Variants in GLIS3 observed in about 807,000 individuals in gnomAD.
GLIS3 encodes the protein GLIS family zinc finger 3.
A neutral mutation model predicts 78.6 loss-of-function variants in GLIS3; 53 were observed. The observed-to-expected ratio is 0.67, with a 90% CI of 0.54 to 0.85. The LOEUF is 0.85. Among genes scored for constraint, GLIS3 ranks in the 40% least tolerant of loss-of-function variants. The probability of loss-of-function intolerance (pLI) is 0.00; values close to 1 mark genes in which losing one functional copy is unlikely to be tolerated. For synonymous variants in GLIS3, 684 were observed against 509.9 expected, an observed-to-expected ratio of 1.34 and a Z score of -4.60; for missense variants, 1,703 against 1,231.1, an observed-to-expected ratio of 1.38 and a Z score of -5.74.
At chr9:3,999,231 C>T (rs1294961109) in intron 4 of GLIS3, among the ~76,000 whole-genome samples, 1 of 152,136 alleles carries the variant, frequency 6.6e-6, no homozygotes, top group Non-Finnish European at 1.5e-5. Flanking sequence ...AAGACTACTA[C>T]AACAAATAAC....
chr9:3,829,876 T>A (rs1454785599), intron 9 of GLIS3, among the ~76,000 whole-genome samples: 2 of 152,236 alleles, frequency 1.3e-5, no homozygotes, highest in Non-Finnish European at 2.9e-5. Context: ...ATCCTATATT[T>A]TCTTCTGTTT....
At chr9:3,986,199 T>A (rs1819728946) in intron 4 of GLIS3, among the ~76,000 whole-genome samples, 1 of 152,228 alleles carries the variant, frequency 6.6e-6, no homozygotes, top group South Asian at 2.1e-4. Context: ...TCCAACAAGA[T>A]ACCCTCTGTC....
At chr9:4,482,484 T>C in the GLIS3 span, among the ~76,000 whole-genome samples, 4 of 152,308 alleles carry the variant, frequency 2.6e-5, no homozygotes, top group Non-Finnish European at 5.9e-5. Flanking sequence ...TCCCCACCCA[T>C]GGGTCACGAA....
the GLIS3 span, among the ~76,000 whole-genome samples, chr9:4,467,002 C>A: frequency 0.37 from 56,346 of 152,120 alleles, 10,915 homozygotes; most frequent in Middle Eastern, 0.5. Flanking sequence ...CCTGGCTCGG[C>A]GGGTCCCATG....
At chr9:4,452,234 C>T in the GLIS3 span, among the ~76,000 whole-genome samples, 1 of 152,108 alleles carries the variant, frequency 6.6e-6, no homozygotes, top group Non-Finnish European at 1.5e-5. Flanking sequence ...TGGGCAAAAA[C>T]TGGAAGCATT....
chr9:3,841,232 T>C (rs1391045930), intron 9 of GLIS3, among the ~76,000 whole-genome samples: 1 of 152,242 alleles, frequency 6.6e-6, no homozygotes, highest in Admixed American at 6.5e-5. Flanking sequence ...AATTGCAGTG[T>C]GTCTCAGTAA....
chr9:4,001,756 TA>T lies in GLIS3; in HGVS notation c.1711-64568del, dbSNP rs558215187. ...TACTTTCAATGATGCATTTTGCAGA[TA>T]CCAGCTTTCAATAAACCAAATACAG... On this transcript the variant is annotated intron_variant, in intron 4 of 10. Coordinates refer to ENST00000381971, the MANE Select transcript of GLIS3 (RefSeq NM_001042413.2). Among the ~76,000 whole-genome samples the T allele has an allele frequency of 4.6e-4, 70 of 152,374 alleles. 1 individual carries two copies. The highest frequency in any genetic ancestry group is 1.6e-3 in the African/African-American group (66 of 41,602).
chr9:3,939,541 G>A (rs1826086392), intron 4 of GLIS3, among the ~76,000 whole-genome samples: 1 of 152,098 alleles, frequency 6.6e-6, no homozygotes, highest in South Asian at 2.1e-4. Context: ...CAATATCTCA[G>A]AACATCCTGA....
intron 7 of GLIS3, among the ~76,000 whole-genome samples, chr9:3,893,024 G>A (rs1324161482): frequency 6.6e-6 from 1 of 152,076 alleles, no homozygotes; most frequent in Non-Finnish European, 1.5e-5. Context: ...TGTCATGGGG[G>A]TTTGTTGTAC....
intron 2 of GLIS3, among the ~76,000 whole-genome samples, chr9:4,204,868 C>T (rs1489176592): frequency 4.0e-5 from 6 of 150,384 alleles, no homozygotes; most frequent in African/African-American, 1.5e-4. Context: ...GTGCCAAGAT[C>T]ATACCACTGC....
chr9:4,270,393 C>A (rs74703151), intron 2 of GLIS3, among the ~76,000 whole-genome samples: 70 of 152,298 alleles, frequency 4.6e-4, no homozygotes, highest in African/African-American at 1.6e-3. Flanking sequence ...TCTCCATGGT[C>A]AGCAATCTGA....
chr9:3,855,178 C>T (rs568138035), intron 9 of GLIS3, among the ~76,000 whole-genome samples: 173 of 152,302 alleles, frequency 1.1e-3, no homozygotes, highest in African/African-American at 3.9e-3. Context: ...CACTAAGATA[C>T]GTGCCTGAAA....
At chr9:3,880,557 A>AACTT (rs1460441829) in intron 7 of GLIS3, among the ~76,000 whole-genome samples, 4 of 152,304 alleles carry the variant, frequency 2.6e-5, no homozygotes, top group African/African-American at 9.6e-5. Flanking sequence ...GTTCTTTTTG[A>AACTT]ACTTACTCTA....
chr9:3,856,679 T>C (rs1819815536), intron 8 of GLIS3, among the ~76,000 whole-genome samples: 1 of 152,232 alleles, frequency 6.6e-6, no homozygotes, highest in African/African-American at 2.4e-5. Context: ...TCTAATCCTA[T>C]TCTCTTTGAA....
chr9:4,291,600 G>C (rs1236069414), intron 1 of GLIS3, among the ~76,000 whole-genome samples: 4 of 152,058 alleles, frequency 2.6e-5, no homozygotes, highest in Non-Finnish European at 5.9e-5. Flanking sequence ...AGAAAGAAAG[G>C]AGAGAAAAGG....
At chr9:3,961,345 C>T (rs1028329015) in intron 4 of GLIS3, among the ~76,000 whole-genome samples, 1 of 152,148 alleles carries the variant, frequency 6.6e-6, no homozygotes, top group Non-Finnish European at 1.5e-5. Flanking sequence ...TGAATAAATG[C>T]TTGGAATACA....
the GLIS3 span, among the ~76,000 whole-genome samples, chr9:4,356,117 T>TAC: frequency 6.6e-6 from 1 of 152,314 alleles, no homozygotes; most frequent in South Asian, 2.1e-4. Flanking sequence ...CTCTTTGCTT[T>TAC]ACCTTTCTTT....
intron 4 of GLIS3, among the ~76,000 whole-genome samples, chr9:4,101,349 T>G (rs944627315): frequency 1.3e-5 from 2 of 152,184 alleles, no homozygotes; most frequent in Non-Finnish European, 2.9e-5. Context: ...CTATGAAAAG[T>G]CTTTTCTCTC....
rs985725454 is a variant in GLIS3 at position 4,110,633 on chromosome 9, C to A, written c.1710+7135G>T. On this transcript the variant is annotated intron_variant, in intron 4 of 10. Transcript: ENST00000381971. Reference sequence around the variant, plus strand: ...TGGTCTCCCCTCTGGATGAAGGACACATGGCTTCCCAGAGTTAAAGCAGAC... The same window carrying A: ...TGGTCTCCCCTCTGGATGAAGGACAAATGGCTTCCCAGAGTTAAAGCAGAC... Among the ~76,000 whole-genome samples the A allele has an allele frequency of 2.6e-5, 4 of 152,296 alleles. No individual in the cohort carries two copies. The South Asian group carries it at 8.3e-4, about 32-fold the overall frequency.
Sources: allele counts gnomAD v4.1 joint callset (sites outside exome capture counted in the v4.1 genomes callset), GRCh38; gene constraint gnomAD v4.1.1; transcripts MANE v1.5; gene names NCBI Gene and HGNC (gene_info 2026-07-23, HGNC 2026-07-21).